The following IMMP2L variants were observed in gnomAD, a reference collection of about 807,000 sequenced individuals.
The protein encoded by IMMP2L is inner mitochondrial membrane peptidase subunit 2.
A neutral mutation model predicts 19.3 loss-of-function variants in IMMP2L; 18 were observed. The observed-to-expected ratio is 0.93, with a 90% CI of 0.64 to 1.38. The LOEUF (loss-of-function observed/expected upper bound fraction) is 1.38. Among genes scored for constraint, IMMP2L ranks in the 40% most tolerant of loss-of-function variants. The probability of loss-of-function intolerance (pLI) is 0.00; values close to 1 mark genes in which losing one functional copy is unlikely to be tolerated. For synonymous variants in IMMP2L, 76 were observed against 73.0 expected (o/e 1.04, Z -0.21); for missense variants, 233 against 218.2 (o/e 1.07, Z -0.43).
chr7:110,984,985 G>C (rs1410627367), intron 3 of IMMP2L, among the ~76,000 whole-genome samples: 2 of 152,030 alleles, frequency 1.3e-5, no homozygotes, highest in Non-Finnish European at 2.9e-5. Flanking sequence ...TTTAAAAGGG[G>C]AAAGAGGTGG....
At chr7:111,164,503 C>G (rs1366907783) in intron 3 of IMMP2L, among the ~76,000 whole-genome samples, 1 of 150,830 alleles carries the variant, frequency 6.6e-6, no homozygotes, top group East Asian at 1.9e-4. Flanking sequence ...GAGATTGACA[C>G]CAGATGGATT....
intron 5 of IMMP2L, among the ~76,000 whole-genome samples, chr7:110,851,293 T>C (rs77622180): frequency 9.5e-4 from 144 of 152,260 alleles, no homozygotes; most frequent in Middle Eastern, 3.4e-3. Context: ...ACTCAGGATA[T>C]ACAAACACAC....
intron 4 of IMMP2L, among the ~76,000 whole-genome samples, chr7:110,909,131 T>C (rs569309166): frequency 6.6e-6 from 1 of 152,178 alleles, no homozygotes; most frequent in South Asian, 2.1e-4. Context: ...AGAAGAAACC[T>C]AGTGCATCTG....
chr7:111,558,013 A>G (rs1295138655), intron 1 of IMMP2L, among the ~76,000 whole-genome samples: 1 of 152,150 alleles, frequency 6.6e-6, no homozygotes, highest in Non-Finnish European at 1.5e-5. Flanking sequence ...ATTAAAAAAA[A>G]TAGAAAAATA....
intron 3 of IMMP2L, among the ~76,000 whole-genome samples, chr7:111,217,026 GA>G (rs66610515): frequency 1.3e-5 from 2 of 149,624 alleles, no homozygotes; most frequent in African/African-American, 4.9e-5. Flanking sequence ...GAATTTTCTG[GA>G]AAAAAAATTG....
At chr7:111,229,577 TTGATTGTGTGGTTTAAG>T (rs981828218) in intron 3 of IMMP2L, among the ~76,000 whole-genome samples, 1 of 151,998 alleles carries the variant, frequency 6.6e-6, no homozygotes, top group East Asian at 1.9e-4. Flanking sequence ...CTTTCTAGGG[TTGATTGTGTGGTTTAAG>T]TGATTGTGTG....
At chr7:111,243,569 GGTTA>G (rs1357456692) in intron 3 of IMMP2L, among the ~76,000 whole-genome samples, 13 of 140,326 alleles carry the variant, frequency 9.3e-5, no homozygotes, top group African/African-American at 1.9e-4. Flanking sequence ...ACATTGTGCA[GGTTA>G]GTTACATATG....
At chr7:110,887,143 C>T (rs774177584) in intron 4 of IMMP2L, among the ~76,000 whole-genome samples, 8 of 152,008 alleles carry the variant, frequency 5.3e-5, no homozygotes, top group Non-Finnish European at 1.2e-4. Context: ...CAACACTTTT[C>T]ATAACCTCTT....
chr7:110,999,578 C>T (rs866897238), intron 3 of IMMP2L, among the ~76,000 whole-genome samples: 1 of 148,844 alleles, frequency 6.7e-6, no homozygotes, highest in Non-Finnish European at 1.5e-5. Context: ...ACAATATGTT[C>T]TCAAACACTT....
At chr7:111,321,697 T>C (rs527240813) in intron 3 of IMMP2L, among the ~76,000 whole-genome samples, 28 of 152,046 alleles carry the variant, frequency 1.8e-4, no homozygotes, top group African/African-American at 6.0e-4. Flanking sequence ...TCCTTTAAAA[T>C]AGACACTTGA....
intron 5 of IMMP2L, among the ~76,000 whole-genome samples, chr7:110,748,302 C>T (rs1797494037): frequency 6.6e-6 from 1 of 152,022 alleles, no homozygotes; most frequent in South Asian, 2.1e-4. Flanking sequence ...GAATCAATAT[C>T]ATCAAAATGG....
chr7:110,832,835 G>C (rs1318236551), intron 5 of IMMP2L, among the ~76,000 whole-genome samples: 1 of 152,114 alleles, frequency 6.6e-6, no homozygotes, highest in Non-Finnish European at 1.5e-5. Context: ...TAAACATATA[G>C]AAATAGACAC....
At chr7:110,824,734 T>A (rs1476107506) in intron 5 of IMMP2L, among the ~76,000 whole-genome samples, 2 of 152,126 alleles carry the variant, frequency 1.3e-5, no homozygotes, top group African/African-American at 4.8e-5. Flanking sequence ...TAGTTTCAAG[T>A]GGCTTGTTCA....
chr7:111,560,431 T>C (rs1563360889), intron 1 of IMMP2L, among the ~76,000 whole-genome samples: 1 of 152,132 alleles, frequency 6.6e-6, no homozygotes, highest in African/African-American at 2.4e-5. Context: ...ATGGAACAAC[T>C]ACAAAAGTTA....
In IMMP2L at chr7:111,219,490, C is replaced by T. The variant is rs183034333; in HGVS notation, c.240-255925G>A. 5.3e-5 allele frequency among the ~76,000 whole-genome samples: 8 copies of T among 152,090 alleles called. No homozygotes were observed. In the East Asian group the frequency reaches 1.5e-3, roughly 29 times the overall value. On this transcript the variant is annotated intron_variant, in intron 3 of 5. Transcript: ENST00000405709. ...TGCCAGTGGATAAATTTTAAGTAAACAGGGCTAGCTAAACATAAAAATTAG... is the reference window on the plus strand; with the variant it reads ...TGCCAGTGGATAAATTTTAAGTAAATAGGGCTAGCTAAACATAAAAATTAG...
intron 3 of IMMP2L, among the ~76,000 whole-genome samples, chr7:111,429,636 C>T (rs1212417532): frequency 6.6e-6 from 1 of 151,716 alleles, no homozygotes; most frequent in Non-Finnish European, 1.5e-5. Context: ...ATTAAGTAAA[C>T]AATTTAAAGA....
rs111942772 is a variant in IMMP2L, at chr7:111,070,455, ATT to A, written c.240-106892_240-106891del. The stretch of plus-strand genomic sequence containing the variant: ...GAAAGACAACAGCTAGAAAAAACTT[ATT>A]TTTTTTTTGGTTAAATAAAAATGTT... On this transcript the variant is annotated intron_variant, in intron 3 of 5. Transcript: ENST00000405709. Among the ~76,000 whole-genome samples, 1,377 of 150,216 alleles carry A rather than the reference ATT, an allele frequency of 9.2e-3. 23 individuals are homozygous for A. Among genetic ancestry groups the A allele is most frequent in the African/African-American group, 0.032 (1,333 of 41,190 alleles).
intron 3 of IMMP2L, among the ~76,000 whole-genome samples, chr7:111,058,871 C>T (rs1430925822): frequency 6.6e-6 from 1 of 152,158 alleles, no homozygotes; most frequent in Non-Finnish European, 1.5e-5. Flanking sequence ...AAATCATTAT[C>T]TTGATTTTTC....
chr7:110,922,717 A>T (rs948778039), intron 4 of IMMP2L, among the ~76,000 whole-genome samples: 1 of 152,186 alleles, frequency 6.6e-6, no homozygotes, highest in African/African-American at 2.4e-5. Flanking sequence ...ATACACATGA[A>T]GCTGAACTTA....
Sources: allele counts gnomAD v4.1 joint callset (sites outside exome capture counted in the v4.1 genomes callset), GRCh38; gene constraint gnomAD v4.1.1; transcripts MANE v1.5; gene names NCBI Gene and HGNC (gene_info 2026-07-23, HGNC 2026-07-21).